The following GSTCD variants were observed in gnomAD, a reference collection of about 807,000 sequenced individuals.
GSTCD encodes glutathione S-transferase C-terminal domain-containing protein.
In GSTCD, 44 loss-of-function variants were observed where a neutral mutation model predicts 68.3. The observed-to-expected ratio is 0.64, with a 90% CI of 0.51 to 0.83. The LOEUF is 0.83. Among genes scored for constraint, GSTCD ranks in the 40% least tolerant of loss-of-function variants. GSTCD has a pLI of 0.00. For synonymous variants in GSTCD, 273 were observed against 255.2 expected (o/e 1.07, Z -0.67); for missense variants, 739 against 735.9 (o/e 1.00, Z -0.05).
At chr4:105,746,977 T>C (rs559902884) in intron 5 of GSTCD, among the ~76,000 whole-genome samples, 113 of 152,284 alleles carry the variant, frequency 7.4e-4, no homozygotes, top group African/African-American at 2.6e-3. Context: ...GCAGAAGTGA[T>C]TTGGGGAAGC....
At chr4:105,815,371 G>T (rs757732985) in intron 5 of GSTCD, 1 of 152,136 alleles carries the variant, frequency 6.6e-6, no homozygotes, top group Non-Finnish European at 1.5e-5. Flanking sequence ...TCATGAAGCT[G>T]AGATTTAATA....
intron 5 of GSTCD, among the ~76,000 whole-genome samples, chr4:105,752,726 A>G (rs975479541): frequency 6.6e-6 from 1 of 152,086 alleles, no homozygotes; most frequent in African/African-American, 2.4e-5. Flanking sequence ...TAGAAATATT[A>G]TGAGTTTACT....
intron 5 of GSTCD, among the ~76,000 whole-genome samples, chr4:105,753,098 T>C (rs1734061108): frequency 6.6e-6 from 1 of 152,014 alleles, no homozygotes; most frequent in Admixed American, 6.6e-5. Context: ...TCTTTATGAG[T>C]TTTTCCATTG....
intron 1 of GSTCD, among the ~76,000 whole-genome samples, chr4:105,714,024 G>GAA (rs768501109): frequency 6.4e-5 from 9 of 140,400 alleles, no homozygotes; most frequent in Admixed American, 1.4e-4. Flanking sequence ...GAATGAAAGT[G>GAA]AAAAAAAAAA....
At chr4:105,812,128 C>G (rs1722777692) in intron 5 of GSTCD, among the ~76,000 whole-genome samples, 1 of 152,114 alleles carries the variant, frequency 6.6e-6, no homozygotes, top group South Asian at 2.1e-4. Flanking sequence ...AGATAATAGA[C>G]ATCTTTCTGA....
intron 4 of GSTCD, among the ~76,000 whole-genome samples, chr4:105,728,583 T>C (rs772896297): frequency 2.7e-5 from 4 of 149,100 alleles, no homozygotes; most frequent in African/African-American, 5.2e-5. Context: ...CATAAACTGA[T>C]ACAAAGCATT....
At chr4:105,806,848 A>C (rs945904611) in intron 5 of GSTCD, among the ~76,000 whole-genome samples, 4 of 152,066 alleles carry the variant, frequency 2.6e-5, no homozygotes, top group African/African-American at 9.7e-5. Flanking sequence ...TCCTATTCCC[A>C]TTTAAGCCCA....
intron 5 of GSTCD, among the ~76,000 whole-genome samples, chr4:105,798,820 T>G (rs1735999936): frequency 6.6e-6 from 1 of 152,192 alleles, no homozygotes; most frequent in Non-Finnish European, 1.5e-5. Context: ...AGCATTGGCT[T>G]CAACATAAAG....
chr4:105,806,133 C>G (rs930837302), intron 5 of GSTCD, among the ~76,000 whole-genome samples: 1 of 151,968 alleles, frequency 6.6e-6, no homozygotes, highest in Non-Finnish European at 1.5e-5. Context: ...ATCTGAAAAT[C>G]TAGGTACAAA....
At chr4:105,769,659 AAT>A (rs761840478) in intron 5 of GSTCD, among the ~76,000 whole-genome samples, 8 of 152,250 alleles carry the variant, frequency 5.3e-5, no homozygotes, top group Middle Eastern at 3.4e-3. Context: ...TATAGTTTAT[AAT>A]AGATTATTTA....
chr4:105,806,683 C>A (rs1722515685), intron 5 of GSTCD, among the ~76,000 whole-genome samples: 1 of 152,054 alleles, frequency 6.6e-6, no homozygotes, highest in Admixed American at 6.6e-5. Flanking sequence ...ATAAGTATTT[C>A]ATATCATCTC....
At chr4:105,751,559 T>G (rs1281192111) in intron 5 of GSTCD, among the ~76,000 whole-genome samples, 1 of 152,168 alleles carries the variant, frequency 6.6e-6, no homozygotes, top group Non-Finnish European at 1.5e-5. Flanking sequence ...ATGGAGAAAG[T>G]CAAATTGATG....
chr4:105,741,526 A>G (rs1255974650), intron 5 of GSTCD, among the ~76,000 whole-genome samples: 3 of 152,228 alleles, frequency 2.0e-5, no homozygotes, highest in African/African-American at 7.2e-5. Flanking sequence ...TTATCAAGAA[A>G]TGAAAACAGA....
At chr4:105,758,661 A>G (rs1170353544) in intron 5 of GSTCD, among the ~76,000 whole-genome samples, 2 of 152,182 alleles carry the variant, frequency 1.3e-5, no homozygotes, top group East Asian at 3.9e-4. Flanking sequence ...ATTTCTTTAT[A>G]GTAGTGCAAG....
chr4:105,757,693 C>T (rs1257825498), intron 5 of GSTCD, among the ~76,000 whole-genome samples: 2 of 152,090 alleles, frequency 1.3e-5, no homozygotes, highest in African/African-American at 4.8e-5. Context: ...GTCAGCTGAG[C>T]TTTTCTGCTA....
chr4:105,770,481 T>TC (rs925141876), intron 5 of GSTCD, among the ~76,000 whole-genome samples: 18 of 152,132 alleles, frequency 1.2e-4, no homozygotes, highest in African/African-American at 4.3e-4. Context: ...CATCAATCCG[T>TC]CACCTACATT....
At chr4:105,760,185 A>AAG (rs537089327) in intron 5 of GSTCD, among the ~76,000 whole-genome samples, 288 of 150,974 alleles carry the variant, frequency 1.9e-3, no homozygotes, top group African/African-American at 6.6e-3. Context: ...AAAAAAAAAA[A>AAG]AGAGAGAATT....
At chr4:105,796,518 T>C (rs929300554) in intron 5 of GSTCD, among the ~76,000 whole-genome samples, 1 of 152,232 alleles carries the variant, frequency 6.6e-6, no homozygotes, top group African/African-American at 2.4e-5. Context: ...TCATATCTTT[T>C]GGTAGCCAAA....
intron 5 of GSTCD, among the ~76,000 whole-genome samples, chr4:105,790,040 G>A (rs1332787062): frequency 6.6e-6 from 1 of 152,016 alleles, no homozygotes; most frequent in Admixed American, 6.5e-5. Flanking sequence ...GTAGGGGAAA[G>A]ATGCAGAGAA....
Sources: allele counts gnomAD v4.1 joint callset (sites outside exome capture counted in the v4.1 genomes callset), GRCh38; gene constraint gnomAD v4.1.1; transcripts MANE v1.5; gene names NCBI Gene and HGNC (gene_info 2026-07-23, HGNC 2026-07-21).